FZD3: variants seen among roughly 807,000 people sequenced by gnomAD.
FZD3 encodes the protein frizzled class receptor 3, also known as frizzled-3.
In FZD3, 30 loss-of-function variants were observed where a neutral mutation model predicts 60.7. The observed-to-expected ratio is 0.49, with a 90% CI of 0.37 to 0.67. The LOEUF is 0.67. FZD3 is among the 30% of genes least tolerant of loss of function. The pLI is 0.00. For missense variants in FZD3, 605 were observed against 838.7 expected, an observed-to-expected ratio of 0.72 and a Z score of 3.44; for synonymous variants, 246 against 275.2, an observed-to-expected ratio of 0.89 and a Z score of 1.05.
chr8:28,498,282 C>T (rs1032658396), intron 1 of FZD3, among the ~76,000 whole-genome samples: 1 of 152,084 alleles, frequency 6.6e-6, no homozygotes, highest in African/African-American at 2.4e-5. Flanking sequence ...ATAGGTCCCC[C>T]CCCTTTTTTT....
At chr8:28,540,599 T>C (rs532900591) in intron 5 of FZD3, among the ~76,000 whole-genome samples, 1 of 152,348 alleles carries the variant, frequency 6.6e-6, no homozygotes, top group African/African-American at 2.4e-5. Flanking sequence ...AGTTTTCTTA[T>C]TTGTCCATTT....
intron 3 of FZD3, among the ~76,000 whole-genome samples, chr8:28,511,642 T>G (rs1207977961): frequency 6.6e-6 from 1 of 152,256 alleles, no homozygotes; most frequent in Non-Finnish European, 1.5e-5. Flanking sequence ...GCTCTTGTAG[T>G]ATCCCCTTTG....
At chr8:28,538,547 A>C (rs1490669342) in intron 5 of FZD3, among the ~76,000 whole-genome samples, 1 of 152,164 alleles carries the variant, frequency 6.6e-6, no homozygotes, top group Non-Finnish European at 1.5e-5. Context: ...ACTGATTCCA[A>C]AGCCTACAGA....
chr8:28,501,707 G>GA (rs1316900558), intron 2 of FZD3, among the ~76,000 whole-genome samples: 1 of 152,138 alleles, frequency 6.6e-6, no homozygotes, highest in East Asian at 1.9e-4. Flanking sequence ...TTTGCCCCTG[G>GA]AAAAGTACAT....
intron 1 of FZD3, among the ~76,000 whole-genome samples, chr8:28,496,341 C>A (rs1299628806): frequency 6.6e-6 from 1 of 152,124 alleles, no homozygotes; most frequent in Non-Finnish European, 1.5e-5. Flanking sequence ...TGTTAAGCTG[C>A]TGTTGACTTT....
intron 5 of FZD3, among the ~76,000 whole-genome samples, chr8:28,548,435 G>C (rs921509314): frequency 7.2e-5 from 11 of 152,108 alleles, no homozygotes; most frequent in Non-Finnish European, 1.6e-4. Context: ...CTAAGTGCTG[G>C]GACTACAGGC....
intron 5 of FZD3, among the ~76,000 whole-genome samples, chr8:28,542,739 C>CTGAAAT (rs1805200197): frequency 6.6e-6 from 1 of 152,180 alleles, no homozygotes; most frequent in Non-Finnish European, 1.5e-5. Flanking sequence ...TTATTGCTAC[C>CTGAAAT]TGAAATTGTA....
rs1015391450 is a variant in FZD3, at chr8:28,571,011, T to A, written c.*8000T>A. On this transcript the variant is annotated 3_prime_UTR_variant, in exon 8 of 8. Coordinates refer to ENST00000240093, the MANE Select transcript of FZD3 (RefSeq NM_017412.4). ...TTCAGAGATGCCTGTATTATTATGT[T>A]ATTTCGATTGCCTACCAAAAAAAAA... 6.8e-6 allele frequency: 1 copy of A among 146,578 alleles called. No individual in the cohort carries two copies. The highest frequency in any genetic ancestry group is 1.5e-5 in the Non-Finnish European group (1 of 67,046). 9.1% of individuals were successfully genotyped at this position (146,578 alleles called of 1,614,324 possible). A position where few individuals can be genotyped will look rare whatever the true frequency, so the allele number is the denominator to read the frequency against.
chr8:28,501,098 G>A (rs991030526), intron 2 of FZD3, among the ~76,000 whole-genome samples: 17 of 152,108 alleles, frequency 1.1e-4, no homozygotes, highest in Non-Finnish European at 1.5e-5. Context: ...AACATTTGTG[G>A]GGAGAAAAAG....
chr8:28,494,673 C>T (rs547166015), intron 1 of FZD3, among the ~76,000 whole-genome samples: 97 of 152,144 alleles, frequency 6.4e-4, no homozygotes, highest in Non-Finnish European at 1.2e-3. Flanking sequence ...TTAACCCTGT[C>T]CGCCCTGAGC....
At chr8:28,560,068 G>A (rs891858043) in intron 7 of FZD3, among the ~76,000 whole-genome samples, 8 of 152,086 alleles carry the variant, frequency 5.3e-5, no homozygotes, top group African/African-American at 1.9e-4. Flanking sequence ...TTGGTAAGTG[G>A]GTGCCATGAC....
chr8:28,540,550 A>G (rs1325299287), intron 5 of FZD3, among the ~76,000 whole-genome samples: 1 of 152,232 alleles, frequency 6.6e-6, no homozygotes, highest in East Asian at 1.9e-4. Context: ...ATCAATAGGA[A>G]TATAACGTTT....
At chr8:28,498,278 C>G (rs998772280) in intron 1 of FZD3, among the ~76,000 whole-genome samples, 2 of 148,070 alleles carry the variant, frequency 1.4e-5, no homozygotes, top group Admixed American at 6.6e-5. Flanking sequence ...TCTAATAGGT[C>G]CCCCCCCTTT....
chr8:28,509,455 T>G (rs747160451), intron 3 of FZD3, among the ~76,000 whole-genome samples: 2 of 152,130 alleles, frequency 1.3e-5, no homozygotes, highest in African/African-American at 4.8e-5. Context: ...TTTATAGATA[T>G]TCCTCATTTT....
At chr8:28,533,446 T>A (rs1270463448) in intron 5 of FZD3, among the ~76,000 whole-genome samples, 1 of 152,230 alleles carries the variant, frequency 6.6e-6, no homozygotes, top group Non-Finnish European at 1.5e-5. Context: ...ACTCATTTAT[T>A]GTCAATGTTT....
intron 6 of FZD3, among the ~76,000 whole-genome samples, chr8:28,553,072 C>T (rs767920950): frequency 3.8e-4 from 58 of 152,124 alleles, no homozygotes; most frequent in Non-Finnish European, 6.8e-4. Context: ...CACAGGGGGT[C>T]CTGAAACCAC....
intron 5 of FZD3, among the ~76,000 whole-genome samples, chr8:28,530,942 A>G (rs1195967909): frequency 6.6e-6 from 1 of 152,136 alleles, no homozygotes; most frequent in Admixed American, 6.5e-5. Flanking sequence ...TCCTTTTACT[A>G]ATATAAAGGA....
At position 28,574,172 on chromosome 8, in the gene FZD3, A is replaced by G. The variant is rs1358960320; in HGVS notation, c.*11161A>G. 8 of 152,120 alleles carry G rather than the reference A, an allele frequency of 5.3e-5. No homozygotes were observed. 9.4% of individuals were successfully genotyped at this position (152,120 alleles called of 1,614,324 possible). A position where few individuals can be genotyped will look rare whatever the true frequency, so the allele number is the denominator to read the frequency against. The stretch of plus-strand genomic sequence containing the variant: ...GTAAATGTTTTTTCTTAGCACTTTA[A>G]CTGTGAGTGTACAAACTGATTTTAA... On this transcript the variant is annotated 3_prime_UTR_variant, in exon 8 of 8. Coordinates refer to ENST00000240093, the MANE Select transcript of FZD3 (RefSeq NM_017412.4).
chr8:28,557,594 T>C (rs901362514), intron 7 of FZD3, among the ~76,000 whole-genome samples: 1 of 152,244 alleles, frequency 6.6e-6, no homozygotes, highest in Non-Finnish European at 1.5e-5. Context: ...CCTTTATCCA[T>C]TTCCTTTTTC....
Sources: allele counts gnomAD v4.1 joint callset (sites outside exome capture counted in the v4.1 genomes callset), GRCh38; gene constraint gnomAD v4.1.1; transcripts MANE v1.5; gene names NCBI Gene and HGNC (gene_info 2026-07-23, HGNC 2026-07-21).